SHLD1: variants seen among roughly 807,000 people sequenced by gnomAD.
The protein encoded by SHLD1 is RINN1-REV7-interacting novel NHEJ regulator 3.
In SHLD1, 3 loss-of-function variants were observed where a neutral mutation model predicts 5.5. The observed-to-expected ratio is 0.54, with a 90% confidence interval of 0.25 to 1.40. The LOEUF (loss-of-function observed/expected upper bound fraction) is 1.40. Among genes scored for constraint, SHLD1 ranks in the 40% most tolerant of loss-of-function variants. The pLI is 0.15. For missense variants in SHLD1, 210 were observed against 244.4 expected, an observed-to-expected ratio of 0.86 and a Z score of 0.94; for synonymous variants, 92 against 94.3, an observed-to-expected ratio of 0.98 and a Z score of 0.14.
intron 2 of SHLD1, among the ~76,000 whole-genome samples, chr20:5,839,486 A>AAGATAGAT (rs3058152): frequency 0.14 from 21,706 of 149,854 alleles, 1,634 homozygotes; most frequent in Admixed American, 0.16. Flanking sequence ...ATTAGATAGA[A>AAGATAGAT]AGATAGATAG....
intron 2 of SHLD1, among the ~76,000 whole-genome samples, chr20:5,811,681 T>C (rs2087459908): frequency 1.3e-5 from 2 of 152,000 alleles, no homozygotes; most frequent in Admixed American, 6.6e-5. Flanking sequence ...ATAGTGAGAC[T>C]GTGTCTCTAC....
At chr20:5,772,748 CAAAAATAAAAAT>C (rs1352506598) in intron 1 of SHLD1, 102 bp from the exon 2 acceptor site, 4 of 1,110,464 alleles carry the variant, frequency 3.6e-6, no homozygotes, top group South Asian at 1.8e-5. Flanking sequence ...CTGATCTCTA[CAAAAATAAAAAT>C]AAAAATAAAA....
chr20:5,780,162 G>A (rs1272544660), intron 2 of SHLD1, among the ~76,000 whole-genome samples: 1 of 151,622 alleles, frequency 6.6e-6, no homozygotes, highest in Non-Finnish European at 1.5e-5. Flanking sequence ...TATTTTTAGT[G>A]GAGACAAGGT....
At chr20:5,833,953 C>T (rs1182679346) in intron 2 of SHLD1, among the ~76,000 whole-genome samples, 1 of 152,182 alleles carries the variant, frequency 6.6e-6, no homozygotes, top group Non-Finnish European at 1.5e-5. Flanking sequence ...CTTCTGGAAC[C>T]CCATTCATCT....
intron 2 of SHLD1, among the ~76,000 whole-genome samples, chr20:5,775,463 T>C (rs1362450729): frequency 6.6e-6 from 1 of 152,182 alleles, no homozygotes; most frequent in Non-Finnish European, 1.5e-5. Flanking sequence ...GACTAATCTG[T>C]AGAAAAGCAA....
At chr20:5,844,797 A>T (rs28553422) in intron 2 of SHLD1, among the ~76,000 whole-genome samples, 25,078 of 94,358 alleles carry the variant, frequency 0.27, 4,959 homozygotes, top group African/African-American at 0.6. Context: ...ATATATATAT[A>T]TATTTTTTTT....
At chr20:5,764,219 G>GTATA (rs71197792) in intron 1 of SHLD1, among the ~76,000 whole-genome samples, 2 of 94,566 alleles carry the variant, frequency 2.1e-5, no homozygotes, top group Non-Finnish European at 3.9e-5. Context: ...TTGTGTGTGT[G>GTATA]TATATATATA....
chr20:5,776,652 A>G (rs1004103680), intron 2 of SHLD1, among the ~76,000 whole-genome samples: 1 of 151,936 alleles, frequency 6.6e-6, no homozygotes, highest in Non-Finnish European at 1.5e-5. Context: ...AATCCCAGAT[A>G]CTCGGGGGCC....
chr20:5,761,007 G>A lies in SHLD1; in HGVS notation c.-5+10528G>A, dbSNP rs536294301. On this transcript the variant is annotated intron_variant, in intron 1 of 2. Transcript: ENST00000303142. ...AAAGGACAAAATGGGGAGGGGGAGG[G>A]AAGTTTAGGACATTAACAAGATTAT... Among the ~76,000 whole-genome samples, 6 of 152,012 alleles carry A rather than the reference G, an allele frequency of 3.9e-5. No homozygotes were observed. In the South Asian group the frequency reaches 1.2e-3, roughly 32 times the overall value.
chr20:5,761,613 T>TTC (rs1434769801), intron 1 of SHLD1, among the ~76,000 whole-genome samples: 1 of 146,816 alleles, frequency 6.8e-6, no homozygotes, highest in African/African-American at 2.5e-5. Context: ...CTTAATTTCT[T>TTC]TTTTTTTTTT....
rs887516594 is a variant in SHLD1 at position 5,835,874 on chromosome 20, A to G, written c.179-27150A>G. On this transcript the variant is annotated intron_variant, in intron 2 of 2. Transcript: ENST00000303142. ...GAAAGAAAATCATTCTCCTGCCTTC[A>G]CCTGTAAACCATAGAGCTCACATTT... Among the ~76,000 whole-genome samples, 16 of 152,190 alleles carry G rather than the reference A, an allele frequency of 1.1e-4. No individual in the cohort carries two copies. In the East Asian group the frequency reaches 3.1e-3, roughly 29 times the overall value.
chr20:5,785,559 G>A (rs954476512), intron 2 of SHLD1, among the ~76,000 whole-genome samples: 2 of 152,140 alleles, frequency 1.3e-5, no homozygotes, highest in African/African-American at 4.8e-5. Context: ...ACTTTGGGAG[G>A]CCAAAGTGGG....
rs562994944 is a variant in SHLD1, at chr20:5,827,345, G to A, written c.179-35679G>A. On this transcript the variant is annotated intron_variant, in intron 2 of 2. Transcript: ENST00000303142. ...CAGGCCTCCTCTTGGCTCCCAACCC[G>A]AAGCTGGAGGGCAAGGGCAGCCATC... 1.1e-3 allele frequency among the ~76,000 whole-genome samples: 174 copies of A among 152,292 alleles called. 1 individual carries two copies. The highest frequency in any genetic ancestry group is 3.8e-3 in the African/African-American group (157 of 41,560).
At chr20:5,840,096 T>G (rs1487419825) in intron 2 of SHLD1, among the ~76,000 whole-genome samples, 2 of 152,240 alleles carry the variant, frequency 1.3e-5, no homozygotes, top group Non-Finnish European at 2.9e-5. Flanking sequence ...TATGTATGAC[T>G]AGAGACTTCA....
At chr20:5,811,093 A>G (rs551309174) in intron 2 of SHLD1, among the ~76,000 whole-genome samples, 45 of 152,246 alleles carry the variant, frequency 3.0e-4, no homozygotes, top group Admixed American at 5.9e-4. Flanking sequence ...TCAGACATTT[A>G]CTGAGGGGTG....
chr20:5,853,713 G>A (rs893837210), intron 2 of SHLD1, among the ~76,000 whole-genome samples: 1 of 152,068 alleles, frequency 6.6e-6, no homozygotes, highest in African/African-American at 2.4e-5. Flanking sequence ...GTGTCAGAAG[G>A]TTTGCCTGGG....
chr20:5,839,597 A>G (rs1015617322), intron 2 of SHLD1, among the ~76,000 whole-genome samples: 1 of 152,222 alleles, frequency 6.6e-6, no homozygotes, highest in African/African-American at 2.4e-5. Context: ...ATGTTCAGAT[A>G]ACAGAAAATA....
rs1983656354 is a variant in SHLD1, at chr20:5,750,402, T to G, written c.-82T>G. On this transcript the variant is annotated 5_prime_UTR_variant, in exon 1 of 3. Transcript: ENST00000303142. ...AAAAGATGGCGCCATTGCTTCCGCG[T>G]TCCGGTTGCGGATGGTGAGTGTGTC... 1 of 150,686 alleles carries G rather than the reference T, an allele frequency of 6.6e-6. No homozygotes were observed. 9.3% of individuals were successfully genotyped at this position (150,686 alleles called of 1,614,324 possible).
At chr20:5,809,096 G>A (rs1195715109) in intron 2 of SHLD1, among the ~76,000 whole-genome samples, 1 of 152,092 alleles carries the variant, frequency 6.6e-6, no homozygotes, top group Non-Finnish European at 1.5e-5. Context: ...TTTCTCATAA[G>A]AGGAGGTGAG....
Sources: allele counts gnomAD v4.1 joint callset (sites outside exome capture counted in the v4.1 genomes callset), GRCh38; gene constraint gnomAD v4.1.1; transcripts MANE v1.5; gene names NCBI Gene and HGNC (gene_info 2026-07-23, HGNC 2026-07-21).